The following PCDHAC1 variants were observed in gnomAD, a reference collection of about 807,000 sequenced individuals.
PCDHAC1 encodes protocadherin alpha subfamily C, 1.
A neutral mutation model predicts 60.0 loss-of-function variants in PCDHAC1; 42 were observed. The observed-to-expected ratio is 0.70, with a 90% confidence interval of 0.55 to 0.90. The LOEUF (loss-of-function observed/expected upper bound fraction) is 0.90. PCDHAC1 is among the 40% of genes least tolerant of loss of function. The pLI is 0.00. For missense variants in PCDHAC1, 1,160 were observed against 1,222.3 expected (o/e 0.95, Z 0.76); for synonymous variants, 468 against 499.3 (o/e 0.94, Z 0.84).
intron 1 of PCDHAC1, chr5:140,967,032 A>G (rs2096085772): frequency 6.2e-7 from 1 of 1,610,180 alleles, no homozygotes; most frequent in African/African-American, 1.3e-5. Context: ...AGTCCGCGCT[A>G]CCTGGAGCTG....
At chr5:140,966,730 C>T in intron 1 of PCDHAC1, 1 of 1,405,456 alleles carries the variant, frequency 7.1e-7, no homozygotes, top group Non-Finnish European at 9.2e-7. Context: ...CTGCCGCCTC[C>T]GGCCCTGCCC....
intron 3 of PCDHAC1, among the ~76,000 whole-genome samples, chr5:140,985,614 C>G (rs2097160648): frequency 6.6e-6 from 1 of 152,100 alleles, no homozygotes; most frequent in East Asian, 1.9e-4. Flanking sequence ...TTCCGTGAAC[C>G]AGCTGTGTAT....
At position 140,993,501 on chromosome 5, in the gene PCDHAC1, C is replaced by CACACAT. The variant is rs1554253793; in HGVS notation, c.2581+10943_2581+10944insTACACA. Reference sequence around the variant, plus strand: ...ACACACACACACACACACACACACACACACACACGGGGAGAGAGAGACAGA... The same window carrying CACACAT: ...ACACACACACACACACACACACACACACACATACACACACGGGGAGAGAGAGACAGA... On this transcript the variant is annotated intron_variant, in intron 3 of 3. Coordinates refer to ENST00000253807, the MANE Select transcript of PCDHAC1 (RefSeq NM_018898.5). Among the ~76,000 whole-genome samples the CACACAT allele has an allele frequency of 3.4e-5, 5 of 148,992 alleles. No homozygotes were observed. The East Asian group carries it at 7.8e-4, about 23-fold the overall frequency.
chr5:141,001,164 A>T (rs2097995699), intron 3 of PCDHAC1, among the ~76,000 whole-genome samples: 1 of 152,102 alleles, frequency 6.6e-6, no homozygotes, highest in East Asian at 1.9e-4. Context: ...AATAAGTAAA[A>T]TTTAACGAGT....
intron 3 of PCDHAC1, among the ~76,000 whole-genome samples, chr5:140,989,714 A>T (rs2097355942): frequency 6.6e-6 from 1 of 152,202 alleles, no homozygotes; most frequent in Non-Finnish European, 1.5e-5. Context: ...AGAGGCAGTC[A>T]GCTTTGCAGT....
chr5:140,933,372 C>T (rs1332069734), intron 1 of PCDHAC1, among the ~76,000 whole-genome samples: 2 of 151,918 alleles, frequency 1.3e-5, no homozygotes, highest in African/African-American at 2.4e-5. Flanking sequence ...TCCCAAATTC[C>T]TTGGCTGTTC....
intron 1 of PCDHAC1, among the ~76,000 whole-genome samples, chr5:140,974,980 G>C (rs149148015): frequency 6.6e-6 from 1 of 152,090 alleles, no homozygotes; most frequent in African/African-American, 2.4e-5. Flanking sequence ...TGAGTTGTCC[G>C]CTCAGGTATT....
At chr5:141,007,419 T>C (rs1554261276) in intron 3 of PCDHAC1, among the ~76,000 whole-genome samples, 3 of 141,394 alleles carry the variant, frequency 2.1e-5, no homozygotes, top group African/African-American at 5.2e-5. Flanking sequence ...AAAAAAAAAA[T>C]TAGCCAGGCA....
Position 140,928,043 on chromosome 5 carries a change from C to T in PCDHAC1, c.1151C>T (p.Pro384Leu). The T allele has an allele frequency of 6.2e-7, 1 of 1,614,192 alleles. No homozygotes were observed. Among genetic ancestry groups the T allele is most frequent in the Non-Finnish European group, 8.5e-7 (1 of 1,180,046 alleles). Residue 384 changes from proline to leucine, a missense_variant, in exon 1 of 4, where the codon CCT (proline) becomes CTT (leucine). Coordinates refer to ENST00000253807, the MANE Select transcript of PCDHAC1 (RefSeq NM_018898.5). ...RVICGMSSAGPFQLTASFDNY... is the reference protein window; with the variant it reads ...RVICGMSSAGLFQLTASFDNY... Reference sequence around the variant, plus strand: ...ATTTGTGGCATGTCTAGTGCAGGCCCTTTTCAGCTGACGGCTTCCTTTGAC... The same window carrying T: ...ATTTGTGGCATGTCTAGTGCAGGCCTTTTTCAGCTGACGGCTTCCTTTGAC...
At chr5:140,987,690 T>C (rs4912736) in intron 3 of PCDHAC1, among the ~76,000 whole-genome samples, 37,365 of 152,116 alleles carry the variant, frequency 0.25, 5,761 homozygotes, top group East Asian at 0.43. Context: ...AGTAGCTATT[T>C]TTAAATGATT....
In PCDHAC1 at chr5:140,946,631, T is replaced by TATATATATATATACAC. The variant is rs57893927; in HGVS notation, c.2433+17307_2433+17308insTATATATATATACACA. ...TGTGAAATATATATATATATATATA[T>TATATATATATATACAC]ACAATGGAATACTCATCAGCCATTA... On this transcript the variant is annotated intron_variant, in intron 1 of 3. Coordinates refer to ENST00000253807, the MANE Select transcript of PCDHAC1 (RefSeq NM_018898.5). Among the ~76,000 whole-genome samples the TATATATATATATACAC allele has an allele frequency of 4.3e-4, 57 of 131,850 alleles. 1 individual carries two copies. Among genetic ancestry groups the TATATATATATATACAC allele is most frequent in the East Asian group, 1.6e-3 (8 of 4,866 alleles). The allele number at this position is 131,850 out of a possible 152,430, so 86.5% of individuals were successfully genotyped here.
chr5:140,980,614 G>T (rs2153822225), intron 2 of PCDHAC1, among the ~76,000 whole-genome samples: 1 of 152,088 alleles, frequency 6.6e-6, no homozygotes, highest in Admixed American at 6.5e-5. Context: ...TGGCGACAGT[G>T]CGAGACTCTG....
chr5:140,955,571 G>A (rs1371078633), intron 1 of PCDHAC1, among the ~76,000 whole-genome samples: 2 of 152,158 alleles, frequency 1.3e-5, no homozygotes, highest in Non-Finnish European at 2.9e-5. Flanking sequence ...ACTGAACTGT[G>A]AGTCAATTAA....
Position 140,926,972 on chromosome 5 carries a change from C to T in PCDHAC1, c.80C>T (p.Pro27Leu), listed in dbSNP as rs782504064. 1 of 1,609,464 alleles carries T rather than the reference C, an allele frequency of 6.2e-7. No individual in the cohort carries two copies. Residue 27 changes from proline (P) to leucine (L), a missense_variant, in exon 1 of 4, where the codon CCG becomes CTG. Around this residue, in one of 3 missense-constraint regions of PCDHAC1, gnomAD observed 43 missense variants for 40.4 expected, o/e 1.06. Transcript: ENST00000253807. ...AAAGQLEYSV[P>L]EETERGVAVG... Reference sequence around the variant, plus strand: ...GCGGGACAGCTCGAGTACTCAGTGCCGGAGGAGACGGAGCGGGGCGTAGCC... The same window carrying T: ...GCGGGACAGCTCGAGTACTCAGTGCTGGAGGAGACGGAGCGGGGCGTAGCC...
intron 1 of PCDHAC1, among the ~76,000 whole-genome samples, chr5:140,974,660 C>T (rs529524485): frequency 2.6e-5 from 4 of 152,116 alleles, no homozygotes; most frequent in South Asian, 2.1e-4. Flanking sequence ...TACAGGCATG[C>T]GCCACCATGC....
chr5:140,938,760 T>C (rs574872397), intron 1 of PCDHAC1, among the ~76,000 whole-genome samples: 2 of 152,286 alleles, frequency 1.3e-5, no homozygotes, highest in Admixed American at 1.3e-4. Flanking sequence ...GCATAGTTAT[T>C]GGGTACTAGA....
At chr5:140,945,630 A>C (rs1445072054) in intron 1 of PCDHAC1, among the ~76,000 whole-genome samples, 1 of 152,166 alleles carries the variant, frequency 6.6e-6, no homozygotes, top group African/African-American at 2.4e-5. Context: ...CTGGCATAAA[A>C]GACATGTAGA....
At chr5:140,949,234 A>C (rs2094354068) in intron 1 of PCDHAC1, among the ~76,000 whole-genome samples, 1 of 151,820 alleles carries the variant, frequency 6.6e-6, no homozygotes, top group South Asian at 2.1e-4. Flanking sequence ...TCTGTGGCCC[A>C]GCAACAGTCT....
Position 141,010,456 on chromosome 5 carries a change from TATC to T in PCDHAC1, c.*521_*523del. The T allele has an allele frequency of 1.1e-6, 1 of 877,088 alleles. No individual in the cohort carries two copies. The highest frequency in any genetic ancestry group is 3.0e-5 in the Admixed American group (1 of 33,582). The allele number at this position is 877,088 out of a possible 1,614,324, so 54.3% of individuals were successfully genotyped here. On this transcript the variant is annotated 3_prime_UTR_variant, in exon 4 of 4. Transcript: ENST00000253807. ...ACAAAGACAAATAAACAGCGGAAGT[TATC>T]AGTATGGAGGGGAAGTGTAAACTTA... is the stretch of plus-strand genomic sequence containing the variant.
Sources: allele counts gnomAD v4.1 joint callset (sites outside exome capture counted in the v4.1 genomes callset), GRCh38; gene constraint gnomAD v4.1.1; regional missense constraint gnomAD v4.1.1; transcripts MANE v1.5; gene names NCBI Gene and HGNC (gene_info 2026-07-23, HGNC 2026-07-21).